SERPINE3: variants seen among roughly 807,000 people sequenced by gnomAD.
SERPINE3 encodes serpin E3.
In SERPINE3, 43 loss-of-function variants were observed where a neutral mutation model predicts 41.7. That is an observed-to-expected ratio of 1.03 (90% CI 0.81 to 1.33). The LOEUF (loss-of-function observed/expected upper bound fraction) is 1.33. Ranked by LOEUF, SERPINE3 falls within the 40% of genes most tolerant of loss-of-function variation. The probability of loss-of-function intolerance (pLI) is 0.00; values close to 1 mark genes in which losing one functional copy is unlikely to be tolerated. For missense variants in SERPINE3, 440 were observed against 491.7 expected, an observed-to-expected ratio of 0.89 and a Z score of 0.99; for synonymous variants, 200 against 192.2, an observed-to-expected ratio of 1.04 and a Z score of -0.34.
intron 9 of SERPINE3, 102 bp downstream of exon 9, chr13:51,361,995 T>C (rs768029993): frequency 6.2e-7 from 1 of 1,610,358 alleles, no homozygotes; most frequent in Non-Finnish European, 8.5e-7. Context: ...GCATTCTTTC[T>C]AGCTGTTTTT....
intron 9 of SERPINE3, 91 bp downstream of exon 9, chr13:51,361,984 A>G: frequency 1.2e-6 from 2 of 1,610,966 alleles, no homozygotes; most frequent in Non-Finnish European, 1.7e-6. Context: ...CTCAAAAATA[A>G]GCATTCTTTC....
At chr13:51,361,677 C>T (rs1270410748) in intron 8 of SERPINE3, 133 bp from the exon 9 acceptor site, 7 of 760,392 alleles carry the variant, frequency 9.2e-6, no homozygotes, top group Non-Finnish European at 1.4e-5. Flanking sequence ...TCTGCACCCC[C>T]ATCACAACAG....
chr13:51,360,998 A>C (rs955390632), intron 7 of SERPINE3, among the ~76,000 whole-genome samples: 1 of 152,078 alleles, frequency 6.6e-6, no homozygotes, highest in Admixed American at 6.6e-5. Context: ...AAAATGGGGC[A>C]GTGCTCTGAA....
At chr13:51,352,235 A>G (rs1252369370) in intron 6 of SERPINE3, among the ~76,000 whole-genome samples, 1 of 152,122 alleles carries the variant, frequency 6.6e-6, no homozygotes, top group East Asian at 1.9e-4. Context: ...GTTCTGGGCC[A>G]TGAACTCAGA....
chr13:51,339,845 G>A (rs1233816474), intron 1 of SERPINE3, 102 bp downstream of exon 1: 2 of 152,048 alleles, frequency 1.3e-5, no homozygotes, highest in African/African-American at 4.8e-5. Flanking sequence ...TGTGGGAGAT[G>A]GGAGGTTATA....
Position 51,364,510 on chromosome 13 carries a change from A to C in SERPINE3, c.*228A>C. The C allele has an allele frequency of 2.3e-6, 1 of 427,448 alleles. No individual in the cohort carries two copies. The highest frequency in any genetic ancestry group is 4.2e-6 in the Non-Finnish European group (1 of 240,832). The allele number at this position is 427,448 out of a possible 1,614,324, so 26.5% of individuals were successfully genotyped here. ...CTTCTTTTCTACTGCTTACCCCCCA[A>C]ACCACTAAAAGGCACAGCAGTGATC... On this transcript the variant is annotated 3_prime_UTR_variant, in exon 10 of 10. Coordinates refer to ENST00000681248, the MANE Select transcript of SERPINE3 (RefSeq NM_001386375.1).
At chr13:51,350,481 A>G (rs1004570779) in intron 6 of SERPINE3, among the ~76,000 whole-genome samples, 37 of 152,200 alleles carry the variant, frequency 2.4e-4, no homozygotes, top group African/African-American at 8.2e-4. Context: ...TAGAAGGCTG[A>G]GCATGAGCAT....
At position 51,341,097 on chromosome 13, in the gene SERPINE3, G is replaced by A. The variant is rs370298472; in HGVS notation, c.6G>A (p.Pro2=). The part of the protein sequence containing the change: M[P]PFLITLFLFH... ...CAGGAACCCTCCCAGCCTCCATGCC[G>A]CCTTTCCTGATCACCCTCTTCCTCT... Residue 2 remains proline (P), a synonymous_variant, in exon 3 of 10, where the codon CCG becomes CCA. Transcript: ENST00000681248. The A allele has an allele frequency of 4.6e-5, 74 of 1,613,638 alleles. No individual in the cohort carries two copies. In the African/African-American group the frequency reaches 5.3e-4, roughly 12 times the overall value.
At chr13:51,359,808 G>A (rs1955535236) in intron 7 of SERPINE3, among the ~76,000 whole-genome samples, 1 of 152,006 alleles carries the variant, frequency 6.6e-6, no homozygotes, top group Non-Finnish European at 1.5e-5. Context: ...TGTAACTTTG[G>A]CACTGCATTT....
Position 51,340,851 on chromosome 13 carries a change from A to G in SERPINE3, c.-28A>G. 3.5e-6 allele frequency: 2 copies of G among 566,896 alleles called. No homozygotes were observed. Among genetic ancestry groups the G allele is most frequent in the African/African-American group, 1.9e-5 (1 of 53,386 alleles). The allele number at this position is 566,896 out of a possible 1,614,324, so 35.1% of individuals were successfully genotyped here. A position where few individuals can be genotyped will look rare whatever the true frequency, so the allele number is the denominator to read the frequency against. ...TCTTCAGACCCACAGTTTGGCTGCC[A>G]AAGGACCACAGTGAGTATTTCTAAT... On this transcript the variant is annotated 5_prime_UTR_variant, in exon 2 of 10. Coordinates refer to ENST00000681248, the MANE Select transcript of SERPINE3 (RefSeq NM_001386375.1).
At chr13:51,341,478 C>T (rs1246565386) in intron 3 of SERPINE3, 131 bp downstream of exon 3, 2 of 901,302 alleles carry the variant, frequency 2.2e-6, no homozygotes, top group Non-Finnish European at 3.3e-6. Context: ...CACACTCACT[C>T]TCTCCAGCTC....
In SERPINE3 at chr13:51,352,536, G is replaced by T. The variant is rs193236210; in HGVS notation, c.900-2507G>T. Reference sequence around the variant, plus strand: ...TATAAGACCAAGTCATCTGTGAATAGAGATAGATTTACTTCTTTCTTTCTA... The same window carrying T: ...TATAAGACCAAGTCATCTGTGAATATAGATAGATTTACTTCTTTCTTTCTA... On this transcript the variant is annotated intron_variant, in intron 6 of 9. Transcript: ENST00000681248. Among the ~76,000 whole-genome samples the T allele has an allele frequency of 3.3e-5, 5 of 151,896 alleles. No homozygotes were observed. The East Asian group carries it at 9.7e-4, about 29-fold the overall frequency.
intron 7 of SERPINE3, among the ~76,000 whole-genome samples, chr13:51,360,466 ATCTT>A (rs1336730643): frequency 3.9e-5 from 6 of 152,140 alleles, no homozygotes; most frequent in Non-Finnish European, 7.4e-5. Flanking sequence ...CTGGTTCTAA[ATCTT>A]TCATTTTTTA....
intron 6 of SERPINE3, among the ~76,000 whole-genome samples, chr13:51,352,471 G>GT (rs796835423): frequency 5.3e-4 from 80 of 150,332 alleles, no homozygotes; most frequent in African/African-American, 1.3e-3. Context: ...GCTCTGATAG[G>GT]TTTTTTTTTG....
In SERPINE3 at chr13:51,364,357, A is replaced by T. The variant is rs1955643831; in HGVS notation, c.*75A>T. On this transcript the variant is annotated 3_prime_UTR_variant, in exon 10 of 10. Coordinates refer to ENST00000681248, the MANE Select transcript of SERPINE3 (RefSeq NM_001386375.1). ...TCATTTTGCTATACCCTTGAAATTT[A>T]AAAAAATGTCTGATAAAGTGTAAAA... The T allele has an allele frequency of 2.5e-6, 2 of 798,188 alleles. No individual in the cohort carries two copies. Among genetic ancestry groups the T allele is most frequent in the Non-Finnish European group, 1.9e-6 (1 of 526,644 alleles). The allele number at this position is 798,188 out of a possible 1,614,324, so 49.4% of individuals were successfully genotyped here.
intron 5 of SERPINE3, 72 bp from the exon 6 acceptor site, chr13:51,348,141 C>A (rs1955368075): frequency 2.5e-6 from 3 of 1,207,536 alleles, no homozygotes; most frequent in Non-Finnish European, 1.2e-6. Flanking sequence ...GCCAGCCTCT[C>A]TCAGGGTCCG....
intron 5 of SERPINE3, 46 bp from the exon 6 acceptor site, chr13:51,348,167 C>A: frequency 1.4e-6 from 2 of 1,452,150 alleles, no homozygotes; most frequent in Admixed American, 2.0e-5. Flanking sequence ...GGTTCATTCT[C>A]CTGGCTCCTG....
intron 7 of SERPINE3, among the ~76,000 whole-genome samples, chr13:51,359,167 A>G (rs1955523712): frequency 6.6e-6 from 1 of 152,046 alleles, no homozygotes; most frequent in South Asian, 2.1e-4. Context: ...AGCTGTCAAC[A>G]CTTCAGGGGA....
chr13:51,364,367 CT>C lies in SERPINE3; in HGVS notation c.*86del. 2.8e-6 allele frequency: 2 copies of C among 720,988 alleles called. No homozygotes were observed. The highest frequency in any genetic ancestry group is 4.3e-6 in the Non-Finnish European group (2 of 459,830). The allele number at this position is 720,988 out of a possible 1,614,324, so 44.7% of individuals were successfully genotyped here. A position where few individuals can be genotyped will look rare whatever the true frequency, so the allele number is the denominator to read the frequency against. On this transcript the variant is annotated 3_prime_UTR_variant, in exon 10 of 10. Coordinates refer to ENST00000681248, the MANE Select transcript of SERPINE3 (RefSeq NM_001386375.1). ...ATACCCTTGAAATTTAAAAAAATGT[CT>C]GATAAAGTGTAAAAAGCTAAGGGTA...
Sources: gnomAD v4.1 joint callset for allele counts (sites outside exome capture counted in the v4.1 genomes callset) on GRCh38, gnomAD v4.1.1 for gene constraint, MANE v1.5 for transcripts, NCBI Gene and HGNC (gene_info 2026-07-23, HGNC 2026-07-21) for gene names.